The following FANCC variants were observed in gnomAD, a reference collection of about 807,000 sequenced individuals.
FANCC encodes FA complementation group C.
FANCC carries 55 observed loss-of-function variants against 71.3 expected under a neutral mutation model. The observed-to-expected ratio is 0.77, with a 90% CI of 0.62 to 0.97. The LOEUF is 0.97. Among genes scored for constraint, FANCC ranks in the 50% least tolerant of loss-of-function variants. FANCC has a pLI of 0.00. For missense variants in FANCC, 678 were observed against 670.9 expected (o/e 1.01, Z -0.12); for synonymous variants, 275 against 244.9 (o/e 1.12, Z -1.15).
intron 6 of FANCC, among the ~76,000 whole-genome samples, chr9:95,169,806 C>T (rs2135568011): frequency 6.6e-6 from 1 of 152,280 alleles, no homozygotes; most frequent in East Asian, 1.9e-4. Flanking sequence ...CTAGGACTTC[C>T]TATTCTGCCA....
intron 3 of FANCC, among the ~76,000 whole-genome samples, chr9:95,243,319 G>C (rs1162162220): frequency 1.3e-5 from 2 of 152,130 alleles, no homozygotes; most frequent in African/African-American, 4.8e-5. Context: ...GAATAAAAAG[G>C]TATTCTCTAA....
chr9:95,113,567 G>A (rs2134603392), intron 12 of FANCC: 1 of 151,958 alleles, frequency 6.6e-6, no homozygotes, highest in East Asian at 1.9e-4. Flanking sequence ...GCCAAGGCAG[G>A]AGGATTACTT....
chr9:95,202,401 G>T (rs1023419800), intron 4 of FANCC, among the ~76,000 whole-genome samples: 6 of 152,118 alleles, frequency 3.9e-5, no homozygotes, highest in African/African-American at 1.4e-4. Context: ...GAAAGAGCCA[G>T]CTTTTCTAGC....
intron 14 of FANCC, among the ~76,000 whole-genome samples, chr9:95,103,193 T>C (rs2071193788): frequency 6.6e-6 from 1 of 151,994 alleles, no homozygotes; most frequent in Non-Finnish European, 1.5e-5. Context: ...GGCTTGGCCA[T>C]GTCTGAAGAA....
chr9:95,299,680 G>T (rs988650278), intron 1 of FANCC, among the ~76,000 whole-genome samples: 10 of 152,174 alleles, frequency 6.6e-5, no homozygotes, highest in Non-Finnish European at 1.3e-4. Flanking sequence ...GGGCAATATA[G>T]TGAGACCTCA....
At chr9:95,294,475 G>A in intron 1 of FANCC, 1 of 1,596,774 alleles carries the variant, frequency 6.3e-7, no homozygotes, top group Non-Finnish European at 8.6e-7. Context: ...CTTTTTCTTA[G>A]ACAGTAGCCC....
At chr9:95,195,314 A>C (rs1238147815) in intron 4 of FANCC, among the ~76,000 whole-genome samples, 1 of 142,976 alleles carries the variant, frequency 7.0e-6, no homozygotes, top group Non-Finnish European at 1.5e-5. Flanking sequence ...CATTTGAGTT[A>C]ATTTTTGTAT....
In FANCC at chr9:95,293,465, T is replaced by G. The variant is rs927859271; in HGVS notation, c.-79+24061A>C. 3 of 1,571,960 alleles carry G rather than the reference T, an allele frequency of 1.9e-6. No individual in the cohort carries two copies. The Admixed American group carries it at 5.5e-5, about 29-fold the overall frequency. On this transcript the variant is annotated intron_variant, in intron 1 of 14. Coordinates refer to ENST00000289081, the MANE Select transcript of FANCC (RefSeq NM_000136.3). ...TTCTTTTCTAAATTGCTGATCCTGT[T>G]GCTGTTGAGCCAATAAGTACTGGTG... is the stretch of plus-strand genomic sequence containing the variant.
chr9:95,257,510 T>A (rs924722062), intron 1 of FANCC, among the ~76,000 whole-genome samples: 1 of 152,094 alleles, frequency 6.6e-6, no homozygotes, highest in African/African-American at 2.4e-5. Flanking sequence ...CGTACCAGAA[T>A]CTCTGGGACA....
intron 4 of FANCC, among the ~76,000 whole-genome samples, chr9:95,225,247 T>C (rs1317565583): frequency 1.3e-5 from 2 of 152,220 alleles, no homozygotes; most frequent in African/African-American, 4.8e-5. Flanking sequence ...CTAGTGGCTA[T>C]TCATTAAGAA....
At chr9:95,126,712 G>A in intron 8 of FANCC, 131 bp from the exon 9 acceptor site, 1 of 891,464 alleles carries the variant, frequency 1.1e-6, no homozygotes, top group Non-Finnish European at 1.8e-6. Flanking sequence ...TTGGTTAGAA[G>A]AACGAACCAC....
chr9:95,150,916 AT>A (rs1252751051), intron 6 of FANCC, among the ~76,000 whole-genome samples: 7 of 152,292 alleles, frequency 4.6e-5, no homozygotes, highest in Admixed American at 1.3e-4. Context: ...CCATGTCACT[AT>A]ACTGTCTACC....
intron 1 of FANCC, among the ~76,000 whole-genome samples, chr9:95,305,649 T>C (rs1373417143): frequency 1.3e-5 from 2 of 152,196 alleles, no homozygotes; most frequent in African/African-American, 4.8e-5. Flanking sequence ...ACAAACTCAT[T>C]TAAGTTAAAT....
intron 5 of FANCC, among the ~76,000 whole-genome samples, chr9:95,171,450 A>T (rs1352954086): frequency 6.6e-6 from 1 of 151,714 alleles, no homozygotes; most frequent in Non-Finnish European, 1.5e-5. Context: ...TTTAAAATTC[A>T]GTTCATTTGA....
At chr9:95,144,649 TCTC>T (rs1486525384) in intron 7 of FANCC, among the ~76,000 whole-genome samples, 2 of 152,176 alleles carry the variant, frequency 1.3e-5, no homozygotes, top group Admixed American at 1.3e-4. Flanking sequence ...GAGACCATAT[TCTC>T]CTGTGAAATA....
At chr9:95,213,615 G>A (rs1828645870) in intron 4 of FANCC, among the ~76,000 whole-genome samples, 1 of 152,136 alleles carries the variant, frequency 6.6e-6, no homozygotes, top group Non-Finnish European at 1.5e-5. Flanking sequence ...GGAAAATAAT[G>A]CAACTGTGTA....
intron 13 of FANCC, among the ~76,000 whole-genome samples, chr9:95,108,639 A>G (rs1299754868): frequency 6.6e-6 from 1 of 152,206 alleles, no homozygotes; most frequent in Non-Finnish European, 1.5e-5. Flanking sequence ...TTTTCTTTTT[A>G]AAGTATTTTT....
chr9:95,147,750 A>G (rs1279007070), intron 7 of FANCC, among the ~76,000 whole-genome samples: 4 of 152,226 alleles, frequency 2.6e-5, no homozygotes, highest in Admixed American at 2.0e-4. Context: ...TCAGTTTGAG[A>G]CCAATCATTC....
At chr9:95,111,381 C>A (rs761663328) in intron 13 of FANCC, 82 bp downstream of exon 13, 2 of 1,597,436 alleles carry the variant, frequency 1.3e-6, no homozygotes, top group African/African-American at 2.7e-5. Context: ...GAAGCCAAGC[C>A]CACAACAGAG....
Sources: gnomAD v4.1 joint callset for allele counts (sites outside exome capture counted in the v4.1 genomes callset) on GRCh38, gnomAD v4.1.1 for gene constraint, MANE v1.5 for transcripts, NCBI Gene and HGNC (gene_info 2026-07-23, HGNC 2026-07-21) for gene names.